CXADR: variants seen among roughly 807,000 people sequenced by gnomAD.
CXADR encodes the protein CXADR cell adhesion molecule, also known as coxsackievirus and adenovirus receptor.
A neutral mutation model predicts 40.3 loss-of-function variants in CXADR; 20 were observed. The observed-to-expected ratio is 0.50, with a 90% CI of 0.35 to 0.72. The LOEUF is 0.72. CXADR is among the 30% of genes least tolerant of loss of function. CXADR has a pLI of 0.01. For synonymous variants in CXADR, 150 were observed against 161.3 expected (o/e 0.93, Z 0.53); for missense variants, 332 against 449.1 (o/e 0.74, Z 2.36).
At chr21:17,547,001 A>G (rs2060905552) in intron 1 of CXADR, 26 bp from the exon 2 acceptor site, 2 of 1,611,190 alleles carry the variant, frequency 1.2e-6, no homozygotes, top group Non-Finnish European at 1.7e-6. Flanking sequence ...GCAAATGCTT[A>G]GTCCCTTGTA....
In CXADR at chr21:17,563,940, C is replaced by CAAAAAAAAAAAAAAA. The variant is rs35020228; in HGVS notation, c.834-1481_834-1467dup. Among the ~76,000 whole-genome samples the CAAAAAAAAAAAAAAA allele has an allele frequency of 8.6e-4, 32 of 37,202 alleles. 6 individuals are homozygous for CAAAAAAAAAAAAAAA. Among genetic ancestry groups the CAAAAAAAAAAAAAAA allele is most frequent in the East Asian group, 2.8e-3 (3 of 1,084 alleles). The allele number at this position is 37,202 out of a possible 152,430, so 24.4% of individuals were successfully genotyped here. A position where few individuals can be genotyped will look rare whatever the true frequency, so the allele number is the denominator to read the frequency against. On this transcript the variant is annotated intron_variant, in intron 6 of 6. Coordinates refer to ENST00000284878, the MANE Select transcript of CXADR (RefSeq NM_001338.5). ...TGGGCAACAGAGCAAGACTCTGTCTCAAAAAAAAAAAAAAAAAAAAAGGTA... is the reference window on the plus strand; with the variant it reads ...TGGGCAACAGAGCAAGACTCTGTCTCAAAAAAAAAAAAAAAAAAAAAAAAAAAAAAAAAAAAGGTA...
At chr21:17,540,989 T>G (rs1450455484) in intron 1 of CXADR, among the ~76,000 whole-genome samples, 3 of 152,200 alleles carry the variant, frequency 2.0e-5, no homozygotes, top group Non-Finnish European at 2.9e-5. Flanking sequence ...ACAGCAGTTT[T>G]AGATTTACAG....
chr21:17,596,489 C>T (rs968780170), downstream of CXADR, among the ~76,000 whole-genome samples: 3 of 151,942 alleles, frequency 2.0e-5, no homozygotes, highest in Non-Finnish European at 4.4e-5. Context: ...AAGTTAGGTT[C>T]GTTTTTTTTC....
chr21:17,598,948 T>G, the CXADR span: 1 of 733,650 alleles, frequency 1.4e-6, no homozygotes, highest in Admixed American at 2.9e-5. Flanking sequence ...ATCACAGAAC[T>G]TGACCCTACA....
At chr21:17,599,643 C>T in the CXADR span, among the ~76,000 whole-genome samples, 1 of 152,076 alleles carries the variant, frequency 6.6e-6, no homozygotes, top group Non-Finnish European at 1.5e-5. Flanking sequence ...CCACGCCCAG[C>T]TAATTTTTGT....
At chr21:17,631,763 GC>G in the CXADR span, among the ~76,000 whole-genome samples, 3 of 152,100 alleles carry the variant, frequency 2.0e-5, no homozygotes, top group African/African-American at 7.2e-5. Context: ...CAGACTCTAA[GC>G]TAAAGACATT....
At chr21:17,617,487 A>G in the CXADR span, among the ~76,000 whole-genome samples, 1 of 152,224 alleles carries the variant, frequency 6.6e-6, no homozygotes, top group African/African-American at 2.4e-5. Context: ...GAATATAGGT[A>G]TTCCGGCATA....
intron 1 of CXADR, among the ~76,000 whole-genome samples, chr21:17,536,902 G>A (rs1022583608): frequency 6.6e-6 from 1 of 151,820 alleles, no homozygotes; most frequent in African/African-American, 2.4e-5. Context: ...GACTACAGGC[G>A]CCCACCACCA....
intron 6 of CXADR, among the ~76,000 whole-genome samples, chr21:17,564,212 G>A (rs1194616548): frequency 6.6e-6 from 1 of 151,206 alleles, no homozygotes; most frequent in Admixed American, 6.6e-5. Context: ...TAAAATGGCG[G>A]CCAGGCGCAG....
chr21:17,624,861 A>ACAGCAGGTCCTTGCCCAGGTAT, the CXADR span, among the ~76,000 whole-genome samples: 3 of 152,198 alleles, frequency 2.0e-5, no homozygotes, highest in South Asian at 2.1e-4. Context: ...AGCTCATTAC[A>ACAGCAGGTCCTTGCCCAGGTAT]CAGCAGGTCC....
intron 1 of CXADR, among the ~76,000 whole-genome samples, chr21:17,528,515 C>T (rs1277536952): frequency 6.6e-6 from 1 of 152,036 alleles, no homozygotes; most frequent in Non-Finnish European, 1.5e-5. Context: ...AAGCGATTCT[C>T]CTACCTCAGC....
the CXADR span, among the ~76,000 whole-genome samples, chr21:17,624,706 C>G: frequency 6.6e-6 from 1 of 152,134 alleles, no homozygotes; most frequent in East Asian, 1.9e-4. Flanking sequence ...AACAAATTGA[C>G]AGGTGCCAGG....
rs760508035 is a variant in CXADR at position 17,513,140 on chromosome 21, T to C, written c.11T>C (p.Leu4Pro). Residue 4 changes from leucine (L) to proline (P), a missense_variant, in exon 1 of 7, where the codon CTG becomes CCG. Physicochemically the swap from Leu to Pro is moderately conservative, Grantham distance 98. This residue lies in a region of CXADR where 162 missense variants were observed against 198.5 expected (regional missense o/e 0.82). Coordinates refer to ENST00000284878, the MANE Select transcript of CXADR (RefSeq NM_001338.5). MAL[L>P]LCFVLLCGVV... Reference sequence around the variant, plus strand: ...GGCACGGCAGCCACCATGGCGCTCCTGCTGTGCTTCGTGCTCCTGTGCGGA... The same window carrying C: ...GGCACGGCAGCCACCATGGCGCTCCCGCTGTGCTTCGTGCTCCTGTGCGGA... 1 of 1,367,808 alleles carries C rather than the reference T, an allele frequency of 7.3e-7. No homozygotes were observed. Among genetic ancestry groups the C allele is most frequent in the South Asian group, 1.9e-5 (1 of 53,266 alleles). The allele number at this position is 1,367,808 out of a possible 1,614,324, so 84.7% of individuals were successfully genotyped here.
chr21:17,545,771 G>GTTT (rs147395162), intron 1 of CXADR, among the ~76,000 whole-genome samples: 145 of 137,102 alleles, frequency 1.1e-3, no homozygotes, highest in African/African-American at 2.6e-3. Flanking sequence ...TCAACTATTT[G>GTTT]GTTTTTTTTG....
intron 7 of CXADR, among the ~76,000 whole-genome samples, chr21:17,587,830 G>C (rs190050209): frequency 3.5e-4 from 53 of 152,292 alleles, no homozygotes; most frequent in African/African-American, 1.3e-3. Flanking sequence ...GTCCTGAATG[G>C]TATTGCCTAG....
chr21:17,513,185 C>T lies in CXADR; in HGVS notation c.43+13C>T. On this transcript the variant is annotated intron_variant, in intron 1 of 6. Transcript: ENST00000284878. ...TGCGGAGTAGTGGGTGAGTAGGGGC[C>T]ATGGGGTCCTCAGCACCCGCCCAGC... 2.9e-6 allele frequency: 4 copies of T among 1,363,296 alleles called. No homozygotes were observed. Among genetic ancestry groups the T allele is most frequent in the Non-Finnish European group, 3.8e-6 (4 of 1,055,028 alleles). 84.4% of individuals were successfully genotyped at this position (1,363,296 alleles called of 1,614,324 possible).
chr21:17,552,227 G>T (rs2060977917), intron 3 of CXADR, among the ~76,000 whole-genome samples: 1 of 152,148 alleles, frequency 6.6e-6, no homozygotes, highest in Non-Finnish European at 1.5e-5. Context: ...CCCTAAGCTA[G>T]GAGTTAGGAG....
At chr21:17,596,979 G>A (rs1219177269), downstream of CXADR, among the ~76,000 whole-genome samples, 6 of 151,998 alleles carry the variant, frequency 3.9e-5, no homozygotes, top group Non-Finnish European at 7.4e-5. Context: ...TAAAGCTTGT[G>A]GCAATGCCAG....
At chr21:17,563,142 T>C (rs1207196714) in intron 6 of CXADR, among the ~76,000 whole-genome samples, 3 of 152,112 alleles carry the variant, frequency 2.0e-5, no homozygotes, top group Non-Finnish European at 4.4e-5. Flanking sequence ...TTCAACATGC[T>C]GTCCTCACTA....
Sources: gnomAD v4.1 joint callset for allele counts (sites outside exome capture counted in the v4.1 genomes callset) on GRCh38, gnomAD v4.1.1 for gene constraint, gnomAD v4.1.1 regional missense constraint, MANE v1.5 for transcripts, NCBI Gene and HGNC (gene_info 2026-07-23, HGNC 2026-07-21) for gene names.